Variants in NECTIN2 observed in about 807,000 individuals in gnomAD.
The protein encoded by NECTIN2 is nectin cell adhesion molecule 2, also known as nectin-2.
NECTIN2 carries 23 observed loss-of-function variants against 56.9 expected under a neutral mutation model. That is an observed-to-expected ratio of 0.40 (90% CI 0.29 to 0.57). The LOEUF (loss-of-function observed/expected upper bound fraction) is 0.57. Among genes scored for constraint, NECTIN2 ranks in the 20% least tolerant of loss-of-function variants. The pLI is 0.38. For synonymous variants in NECTIN2, 302 were observed against 313.8 expected (o/e 0.96, Z 0.40); for missense variants, 587 against 718.3 (o/e 0.82, Z 2.09).
Position 44,846,630 on chromosome 19 carries a change from GC to G in NECTIN2, c.88+22del, listed in dbSNP as rs1568584392. Reference sequence around the variant, plus strand: ...TGGAAACCGGTGAGACGAGCGGACGGCCCCCTGCCCTCGCGCGGACCCCCTC... The same window carrying G: ...TGGAAACCGGTGAGACGAGCGGACGGCCCCTGCCCTCGCGCGGACCCCCTC... On this transcript the variant is annotated intron_variant, in intron 1 of 8. Coordinates refer to ENST00000252483, the MANE Select transcript of NECTIN2 (RefSeq NM_001042724.2). 6.6e-6 allele frequency: 10 copies of G among 1,521,954 alleles called. No homozygotes were observed. Among genetic ancestry groups the G allele is most frequent in the East Asian group, 2.6e-5 (1 of 38,746 alleles). The allele number at this position is 1,521,954 out of a possible 1,614,324, so 94.3% of individuals were successfully genotyped here. A position where few individuals can be genotyped will look rare whatever the true frequency, so the allele number is the denominator to read the frequency against.
intron 1 of NECTIN2, among the ~76,000 whole-genome samples, chr19:44,853,107 G>GAA (rs376160239): frequency 7.4e-6 from 1 of 135,468 alleles, no homozygotes. Flanking sequence ...TCCTATCCCA[G>GAA]AAAAAAAAAA....
At position 44,872,146 on chromosome 19, in the gene NECTIN2, C is replaced by G. The variant is rs768454344; in HGVS notation, c.772C>G (p.Arg258Gly). The part of the protein sequence containing the change: ...PALIPVTLSV[R>G]YPPEVSISGY... ...CCTGATACCTGTGACCCTCTCTGTACGCTGTGAGTGTATCGGGGGTGACCC... is the reference window on the plus strand; with the variant it reads ...CCTGATACCTGTGACCCTCTCTGTAGGCTGTGAGTGTATCGGGGGTGACCC... Residue 258 changes from arginine (R) to glycine (G), a missense_variant, in exon 3 of 9, where the codon CGC (arginine) becomes GGC (glycine). Coordinates refer to ENST00000252483, the MANE Select transcript of NECTIN2 (RefSeq NM_001042724.2). 13 of 1,612,256 alleles carry G rather than the reference C, an allele frequency of 8.1e-6. No homozygotes were observed. Among genetic ancestry groups the G allele is most frequent in the Non-Finnish European group, 1.0e-5 (12 of 1,178,356 alleles).
Position 44,874,299 on chromosome 19 carries a change from A to G in NECTIN2, c.894-31A>G. 6.2e-7 allele frequency: 1 copy of G among 1,608,036 alleles called. No homozygotes were observed. Among genetic ancestry groups the G allele is most frequent in the Non-Finnish European group, 8.5e-7 (1 of 1,174,608 alleles). On this transcript the variant is annotated intron_variant, in intron 4 of 8. Coordinates refer to ENST00000252483, the MANE Select transcript of NECTIN2 (RefSeq NM_001042724.2). This position sits in a 1 kb window ranked among gnomAD's most constrained non-coding sequence, Gnocchi z 6.3. Reference sequence around the variant, plus strand: ...CCTGTGCTCCCCTCTCGACCTTGGTATCCCTCTCACCTGACCCCACACCCC... The same window carrying G: ...CCTGTGCTCCCCTCTCGACCTTGGTGTCCCTCTCACCTGACCCCACACCCC...
chr19:44,862,505 A>G (rs982357468), intron 1 of NECTIN2, among the ~76,000 whole-genome samples: 5 of 152,032 alleles, frequency 3.3e-5, no homozygotes, highest in Admixed American at 2.0e-4. Flanking sequence ...TATGTCTACC[A>G]TGGAATACTA....
chr19:44,886,047 C>A, intron 7 of NECTIN2, 47 bp downstream of exon 7: 1 of 1,571,798 alleles, frequency 6.4e-7, no homozygotes, highest in South Asian at 1.1e-5. Context: ...TCCACACCCA[C>A]CCCAGGGCTG....
intron 5 of NECTIN2, among the ~76,000 whole-genome samples, chr19:44,879,694 C>G (rs113828906): frequency 6.6e-6 from 1 of 152,070 alleles, no homozygotes; most frequent in Non-Finnish European, 1.5e-5. Context: ...GGTTTTTACC[C>G]GCGTCACCTC....
At chr19:44,863,968 G>A (rs193014373) in intron 1 of NECTIN2, among the ~76,000 whole-genome samples, 137 of 150,134 alleles carry the variant, frequency 9.1e-4, no homozygotes, top group African/African-American at 3.3e-3. Flanking sequence ...GTTTTAAAAT[G>A]TATTTTATGA....
chr19:44,874,784 C>A lies in NECTIN2; in HGVS notation c.1042+306C>A, dbSNP rs921034872. 3.2e-6 allele frequency: 1 copy of A among 308,346 alleles called. No homozygotes were observed. The highest frequency in any genetic ancestry group is 1.1e-3 in the Middle Eastern group (1 of 944). 19.1% of individuals were successfully genotyped at this position (308,346 alleles called of 1,614,324 possible). On this transcript the variant is annotated intron_variant, in intron 5 of 8. Transcript: ENST00000252483. This position sits in a 1 kb window ranked among gnomAD's most constrained non-coding sequence, Gnocchi z 6.3. ...AGACCCGAGGAAGCTGCCCTGGGCT[C>A]CAGCTCCTGAGAAAGACGCACACCT...
rs1439838024 is a variant in NECTIN2, at chr19:44,865,909, AC to A, written c.478+253del. Among the ~76,000 whole-genome samples the A allele has an allele frequency of 2.0e-5, 3 of 152,088 alleles. No individual in the cohort carries two copies. The highest frequency in any genetic ancestry group is 7.2e-5 in the African/African-American group (3 of 41,414). On this transcript the variant is annotated intron_variant, in intron 2 of 8. Transcript: ENST00000252483. The surrounding 1 kb of genome is among the most constrained non-coding windows in gnomAD (Gnocchi z 5.2). The stretch of plus-strand genomic sequence containing the variant: ...AAGTATTGGCTGGGCGCAGTGGCCC[AC>A]CCCTGTAATCCTAGCACTTTGGAAG...
chr19:44,886,043 C>T (rs757606790), intron 7 of NECTIN2, 43 bp downstream of exon 7: 1 of 1,575,106 alleles, frequency 6.3e-7, no homozygotes, highest in Non-Finnish European at 8.7e-7. Context: ...CACCTCCACA[C>T]CCACCCCAGG....
chr19:44,851,026 C>G (rs1045779948), intron 1 of NECTIN2, among the ~76,000 whole-genome samples: 2 of 151,966 alleles, frequency 1.3e-5, no homozygotes, highest in African/African-American at 4.8e-5. Context: ...CAGCTTCAGG[C>G]CCCGCCTCCC....
At chr19:44,880,768 T>C (rs1490339163) in intron 5 of NECTIN2, among the ~76,000 whole-genome samples, 1 of 149,542 alleles carries the variant, frequency 6.7e-6, no homozygotes, top group Non-Finnish European at 1.5e-5. Context: ...GCCTGGCCCC[T>C]GGCTAATTTT....
intron 8 of NECTIN2, 151 bp from the exon 9 acceptor site, chr19:44,887,959 C>T (rs1969378873): frequency 2.6e-6 from 2 of 770,562 alleles, no homozygotes; most frequent in Non-Finnish European, 4.2e-6. Flanking sequence ...ATGAATGTCC[C>T]AGTGCAATAT....
Position 44,888,466 on chromosome 19 carries a change from G to A in NECTIN2, c.*87G>A, listed in dbSNP as rs1969385945. The A allele has an allele frequency of 3.5e-6, 5 of 1,424,966 alleles. No homozygotes were observed. Among genetic ancestry groups the A allele is most frequent in the South Asian group, 1.3e-5 (1 of 75,798 alleles). The allele number at this position is 1,424,966 out of a possible 1,614,324, so 88.3% of individuals were successfully genotyped here. ...TCTAGTGCCCCCTGACCTCTGGCCAGGCCACTGTCAGTTAACACATATGCA... is the reference window on the plus strand; with the variant it reads ...TCTAGTGCCCCCTGACCTCTGGCCAAGCCACTGTCAGTTAACACATATGCA... On this transcript the variant is annotated 3_prime_UTR_variant, in exon 9 of 9. Coordinates refer to ENST00000252483, the MANE Select transcript of NECTIN2 (RefSeq NM_001042724.2).
Position 44,865,747 on chromosome 19 carries a change from C to T in NECTIN2, c.478+87C>T. ...TGCGGGTCAGTTTCTCTCTTGGCTTCAGCTGTGAGGTTCACATTCTCTGTG... is the reference window on the plus strand; with the variant it reads ...TGCGGGTCAGTTTCTCTCTTGGCTTTAGCTGTGAGGTTCACATTCTCTGTG... On this transcript the variant is annotated intron_variant, in intron 2 of 8. Transcript: ENST00000252483. This position sits in a 1 kb window ranked among gnomAD's most constrained non-coding sequence, Gnocchi z 5.2. 7.3e-7 allele frequency: 1 copy of T among 1,367,628 alleles called. No individual in the cohort carries two copies. Among genetic ancestry groups the T allele is most frequent in the Non-Finnish European group, 9.7e-7 (1 of 1,035,286 alleles). The allele number at this position is 1,367,628 out of a possible 1,614,324, so 84.7% of individuals were successfully genotyped here.
Position 44,886,881 on chromosome 19 carries a change from G to A in NECTIN2, c.1347+662G>A, listed in dbSNP as rs141562321. 1.3e-4 allele frequency among the ~76,000 whole-genome samples: 20 copies of A among 152,006 alleles called. No homozygotes were observed. In the South Asian group the frequency reaches 1.5e-3, roughly 11 times the overall value. Reference sequence around the variant, plus strand: ...CATGGGCTACCCAGCAACATTTTGCGTCTACAAAAATACTGAATTTACCTG... The same window carrying A: ...CATGGGCTACCCAGCAACATTTTGCATCTACAAAAATACTGAATTTACCTG... On this transcript the variant is annotated intron_variant, in intron 8 of 8. Transcript: ENST00000252483.
intron 5 of NECTIN2, chr19:44,878,541 C>T (rs778491909): frequency 1.2e-6 from 2 of 1,614,046 alleles, no homozygotes; most frequent in Non-Finnish European, 8.5e-7. Flanking sequence ...CTCATGTTGC[C>T]TCCACCCCCA....
intron 1 of NECTIN2, among the ~76,000 whole-genome samples, chr19:44,850,054 G>T (rs941076185): frequency 1.3e-5 from 2 of 152,162 alleles, no homozygotes; most frequent in Non-Finnish European, 2.9e-5. Flanking sequence ...AGTGACAGAG[G>T]CCAGGCACAT....
intron 1 of NECTIN2, among the ~76,000 whole-genome samples, chr19:44,856,798 C>T (rs1968970771): frequency 6.6e-6 from 1 of 152,170 alleles, no homozygotes; most frequent in South Asian, 2.1e-4. Flanking sequence ...GCCACATATC[C>T]GGACTTCTGT....
Sources: allele counts gnomAD v4.1 joint callset (sites outside exome capture counted in the v4.1 genomes callset), GRCh38; gene constraint gnomAD v4.1.1; non-coding constraint Gnocchi (gnomAD v3.1); transcripts MANE v1.5; gene names NCBI Gene and HGNC (gene_info 2026-07-23, HGNC 2026-07-21).